ASMTL: variants seen among roughly 807,000 people sequenced by gnomAD.
The protein encoded by ASMTL is probable bifunctional dTTP/UTP pyrophosphatase/methyltransferase protein.
ASMTL carries 57 observed loss-of-function variants against 60.3 expected under a neutral mutation model. The ratio of observed to expected loss-of-function variants is 0.95; its 90% confidence interval spans 0.76 to 1.18. The LOEUF (loss-of-function observed/expected upper bound fraction) is 1.18, where lower values mean the gene tolerates loss of function less well. Ranked by LOEUF, ASMTL falls within the 50% of genes most tolerant of loss-of-function variation. The probability of loss-of-function intolerance (pLI) is 0.00; values close to 1 mark genes in which losing one functional copy is unlikely to be tolerated. For synonymous variants in ASMTL, 419 were observed against 373.0 expected (o/e 1.12, Z -1.42); for missense variants, 981 against 852.6 (o/e 1.15, Z -1.88).
chrX:1,422,053 G>T (rs1251403193), intron 8 of ASMTL, among the ~76,000 whole-genome samples: 2 of 152,128 alleles, frequency 1.3e-5, no homozygotes, highest in African/African-American at 4.8e-5. Context: ...TACACTCAGG[G>T]TCAGCTGGGC....
In ASMTL at chrX:1,406,255, T is replaced by C. The variant is rs181834634; in HGVS notation, c.1646-2766A>G. Among the ~76,000 whole-genome samples the C allele has an allele frequency of 1.4e-4, 21 of 150,698 alleles. No individual in the cohort carries two copies. In the East Asian group the frequency reaches 3.6e-3, roughly 26 times the overall value. On this transcript the variant is annotated intron_variant, in intron 12 of 12. Coordinates refer to ENST00000381317, the MANE Select transcript of ASMTL (RefSeq NM_004192.4). ...GGTAGATGATGGGTAGGTAGGAAGA[T>C]GAATAGATGGGTGCATGGATGAGAT... is the stretch of plus-strand genomic sequence containing the variant.
intron 3 of ASMTL, among the ~76,000 whole-genome samples, chrX:1,437,463 C>T (rs28789114): frequency 4.1e-4 from 62 of 151,760 alleles, no homozygotes; most frequent in Non-Finnish European, 7.1e-4. Flanking sequence ...CTCTCCTGGG[C>T]TTGGAGACGC....
At chrX:1,432,965 GC>G (rs2090846252) in intron 5 of ASMTL, among the ~76,000 whole-genome samples, 1 of 152,222 alleles carries the variant, frequency 6.6e-6, no homozygotes, top group Admixed American at 6.5e-5. Context: ...GGGCGTGGTG[GC>G]ATGCACCTGT....
intron 5 of ASMTL, among the ~76,000 whole-genome samples, chrX:1,433,151 A>T (rs1432457234): frequency 1.3e-5 from 2 of 152,056 alleles, no homozygotes; most frequent in African/African-American, 2.4e-5. Context: ...CAGGGTCCGG[A>T]CACAGAGCCC....
At chrX:1,443,070 C>T (rs1365657516) in intron 1 of ASMTL, among the ~76,000 whole-genome samples, 3 of 140,166 alleles carry the variant, frequency 2.1e-5, no homozygotes, top group Admixed American at 7.1e-5. Flanking sequence ...CACACACCGT[C>T]GTCGTGGACA....
At chrX:1,432,493 T>C (rs1167826630) in intron 5 of ASMTL, 116 bp from the exon 6 acceptor site, 10 of 747,476 alleles carry the variant, frequency 1.3e-5, no homozygotes, top group African/African-American at 1.0e-4. Flanking sequence ...ACAGTTCAGA[T>C]ATGGATGCTT....
intron 1 of ASMTL, among the ~76,000 whole-genome samples, chrX:1,446,454 G>A (rs1468719665): frequency 6.6e-6 from 1 of 151,490 alleles, no homozygotes; most frequent in Non-Finnish European, 1.5e-5. Context: ...CCGCACACAG[G>A]GAGAGATCCA....
In ASMTL at chrX:1,419,114, C is replaced by A. The variant is rs1439645082; in HGVS notation, c.1246G>T (p.Asp416Tyr). The A allele has an allele frequency of 3.1e-6, 5 of 1,611,150 alleles. No homozygotes were observed. In the South Asian group the frequency reaches 3.3e-5, roughly 11 times the overall value. ...GTCTCCGGGCTCTGGTAGTACGCATCCTGGAACACAGCAGGTGCTTAGGGG... is the reference window on the plus strand; with the variant it reads ...GTCTCCGGGCTCTGGTAGTACGCATACTGGAACACAGCAGGTGCTTAGGGG... ...LGKKAEDLFQDAYYQSPETRL... is the reference protein window; with the variant it reads ...LGKKAEDLFQYAYYQSPETRL... Residue 416 changes from aspartate (D) to tyrosine (Y), a missense_variant and splice_region_variant, in exon 10 of 13, where the codon GAT (aspartate) becomes TAT (tyrosine). Physicochemically the swap from Asp to Tyr is radical, Grantham distance 160. Transcript: ENST00000381317.
intron 3 of ASMTL, among the ~76,000 whole-genome samples, chrX:1,437,175 G>A (rs770303100): frequency 1.2e-4 from 15 of 124,454 alleles, no homozygotes; most frequent in South Asian, 2.7e-4. Context: ...GGAGGCTGGA[G>A]GTCTGAGATC....
intron 12 of ASMTL, among the ~76,000 whole-genome samples, chrX:1,410,728 A>T (rs1479542680): frequency 1.6e-5 from 2 of 123,042 alleles, no homozygotes; most frequent in South Asian, 3.4e-4. Flanking sequence ...AAAACTTCTT[A>T]AAAAATTAGC....
At chrX:1,420,600 C>G (rs1211456297) in intron 9 of ASMTL, among the ~76,000 whole-genome samples, 2 of 152,216 alleles carry the variant, frequency 1.3e-5, no homozygotes, top group Admixed American at 1.3e-4. Context: ...CGAGACCCAC[C>G]CATCTGCACA....
chrX:1,415,938 A>G (rs1339242442), intron 11 of ASMTL, among the ~76,000 whole-genome samples: 25 of 152,130 alleles, frequency 1.6e-4, no homozygotes, highest in African/African-American at 6.0e-4. Flanking sequence ...CAAGACATGC[A>G]CACACGGACA....
chrX:1,448,059 T>C (rs764167150), intron 1 of ASMTL, among the ~76,000 whole-genome samples: 1 of 150,030 alleles, frequency 6.7e-6, no homozygotes, highest in Admixed American at 6.6e-5. Context: ...AGAACCACCA[T>C]CTTGGACACA....
At chrX:1,443,378 A>G (rs772750515) in intron 1 of ASMTL, among the ~76,000 whole-genome samples, 706 of 42,314 alleles carry the variant, frequency 0.017, 54 homozygotes, top group African/African-American at 0.026. Context: ...CACCACCATC[A>G]TGGACACACG....
chrX:1,425,327 T>C (rs2149310265), intron 8 of ASMTL, among the ~76,000 whole-genome samples, 198 bp downstream of exon 8: 1 of 152,330 alleles, frequency 6.6e-6, no homozygotes, highest in East Asian at 1.9e-4. Flanking sequence ...GCTTCTCCTA[T>C]GTGCTCGCGG....
chrX:1,411,937 G>C (rs748431975), intron 12 of ASMTL, among the ~76,000 whole-genome samples: 16 of 146,696 alleles, frequency 1.1e-4, no homozygotes, highest in African/African-American at 4.0e-4. Context: ...TCAGCCTCCT[G>C]AGTAGCTGGG....
In ASMTL at chrX:1,443,272, ACAC is replaced by A. The variant is rs1412334610; in HGVS notation, c.94-958_94-956del. Among the ~76,000 whole-genome samples, 78 of 13,940 alleles carry A rather than the reference ACAC, an allele frequency of 5.6e-3. 6 individuals carry two copies. The highest frequency in any genetic ancestry group is 0.042 in the Middle Eastern group (1 of 24). The allele number at this position is 13,940 out of a possible 152,430, so 9.1% of individuals were successfully genotyped here. A position where few individuals can be genotyped will look rare whatever the true frequency, so the allele number is the denominator to read the frequency against. On this transcript the variant is annotated intron_variant, in intron 1 of 12. Transcript: ENST00000381317. ...GGACACACGCCGCCGTCTTGGACAC[ACAC>A]CGCCATCATGGACACACACCGCCAT...
intron 3 of ASMTL, among the ~76,000 whole-genome samples, chrX:1,437,173 G>C (rs1405794209): frequency 6.6e-6 from 1 of 151,916 alleles, no homozygotes; most frequent in Non-Finnish European, 1.5e-5. Flanking sequence ...CTGGAGGCTG[G>C]AGGTCTGAGA....
intron 11 of ASMTL, among the ~76,000 whole-genome samples, chrX:1,416,584 C>T (rs1188221014): frequency 9.1e-6 from 1 of 109,774 alleles, no homozygotes; most frequent in Non-Finnish European, 2.1e-5. Context: ...CGCAGACACA[C>T]AGACATACAC....
Sources: allele counts gnomAD v4.1 joint callset (sites outside exome capture counted in the v4.1 genomes callset), GRCh38; gene constraint gnomAD v4.1.1; transcripts MANE v1.5; gene names NCBI Gene and HGNC (gene_info 2026-07-23, HGNC 2026-07-21).